GALNT13: variants seen among roughly 807,000 people sequenced by gnomAD.
The protein encoded by GALNT13 is polypeptide N-acetylgalactosaminyltransferase 13.
Under a neutral mutation model 64.2 loss-of-function variants are expected in GALNT13, and 28 were observed. The observed-to-expected ratio is 0.44, with a 90% CI of 0.32 to 0.60. The LOEUF (loss-of-function observed/expected upper bound fraction) is 0.60, where lower values mean the gene tolerates loss of function less well. Among genes scored for constraint, GALNT13 ranks in the 20% least tolerant of loss-of-function variants. The pLI, the probability that GALNT13 is intolerant of heterozygous loss-of-function variation, is 0.05. For synonymous variants in GALNT13, 214 were observed against 224.6 expected (o/e 0.95, Z 0.42); for missense variants, 577 against 669.8 (o/e 0.86, Z 1.53).
the GALNT13 span, among the ~76,000 whole-genome samples, chr2:153,108,069 G>C: frequency 6.6e-6 from 1 of 152,142 alleles, no homozygotes; most frequent in South Asian, 2.1e-4. Context: ...GTAGAGACAG[G>C]GTTTTGCCAT....
chr2:153,491,173 C>A, the GALNT13 span, among the ~76,000 whole-genome samples: 1 of 151,934 alleles, frequency 6.6e-6, no homozygotes, highest in South Asian at 2.1e-4. Flanking sequence ...CATTCAAACA[C>A]AACAATAATT....
At chr2:153,575,151 T>G in the GALNT13 span, among the ~76,000 whole-genome samples, 1 of 152,182 alleles carries the variant, frequency 6.6e-6, no homozygotes, top group Non-Finnish European at 1.5e-5. Flanking sequence ...TGACAGGATC[T>G]GGGAGAAGTC....
intron 3 of GALNT13, among the ~76,000 whole-genome samples, chr2:154,004,787 A>G (rs1039881866): frequency 1.3e-5 from 2 of 152,196 alleles, no homozygotes; most frequent in Non-Finnish European, 2.9e-5. Context: ...TTATGTTTCA[A>G]ATATATGTTA....
intron 11 of GALNT13, chr2:154,436,206 T>A (rs1042562629): frequency 3.0e-4 from 45 of 152,148 alleles, no homozygotes; most frequent in African/African-American, 1.1e-3. Context: ...CCAAAAAAAA[T>A]TTAGCAGACA....
At chr2:154,237,245 C>T (rs1028900901) in intron 4 of GALNT13, among the ~76,000 whole-genome samples, 4 of 151,706 alleles carry the variant, frequency 2.6e-5, no homozygotes, top group Admixed American at 6.6e-5. Flanking sequence ...GTCTACCATA[C>T]ATTTCAGATG....
intron 9 of GALNT13, among the ~76,000 whole-genome samples, chr2:154,390,060 G>A (rs898074357): frequency 1.3e-5 from 2 of 152,036 alleles, no homozygotes; most frequent in African/African-American, 2.4e-5. Context: ...AGACTGAGAG[G>A]GTGAATTTCT....
the GALNT13 span, among the ~76,000 whole-genome samples, chr2:153,825,684 G>T: frequency 6.7e-6 from 1 of 150,118 alleles, no homozygotes; most frequent in African/African-American, 2.5e-5. Context: ...CCTGAGTTTT[G>T]GGCAGGCCAG....
At chr2:153,827,390 G>A in the GALNT13 span, among the ~76,000 whole-genome samples, 3 of 152,228 alleles carry the variant, frequency 2.0e-5, no homozygotes, top group South Asian at 4.1e-4. Flanking sequence ...TCGGGAGGCC[G>A]AGGTGGGTGG....
At chr2:154,352,435 T>A (rs1298837527) in intron 9 of GALNT13, among the ~76,000 whole-genome samples, 3 of 152,216 alleles carry the variant, frequency 2.0e-5, no homozygotes, top group African/African-American at 4.8e-5. Context: ...ATTGAATGCT[T>A]GCTAATATTG....
chr2:154,385,028 T>C (rs1237522875), intron 9 of GALNT13, among the ~76,000 whole-genome samples: 1 of 134,738 alleles, frequency 7.4e-6, no homozygotes, highest in African/African-American at 2.9e-5. Context: ...ACGACTACAA[T>C]AAAGTTGCTT....
chr2:153,607,659 G>T, the GALNT13 span, among the ~76,000 whole-genome samples: 7 of 152,072 alleles, frequency 4.6e-5, no homozygotes, highest in African/African-American at 1.7e-4. Context: ...GTACAAAATT[G>T]AAGACAGAGG....
chr2:153,460,723 CA>C, the GALNT13 span, among the ~76,000 whole-genome samples: 3 of 151,972 alleles, frequency 2.0e-5, no homozygotes, highest in African/African-American at 7.2e-5. Context: ...CAAAAATAAA[CA>C]ACAGTGCAGC....
chr2:154,162,492 G>A (rs1478743309), intron 4 of GALNT13, among the ~76,000 whole-genome samples: 1 of 152,162 alleles, frequency 6.6e-6, no homozygotes, highest in Non-Finnish European at 1.5e-5. Context: ...AGATACACAT[G>A]TTTCAGTCAT....
chr2:154,374,103 A>G (rs1002429205), intron 9 of GALNT13, among the ~76,000 whole-genome samples: 9 of 151,740 alleles, frequency 5.9e-5, no homozygotes, highest in African/African-American at 2.2e-4. Context: ...TTCCTTCTTC[A>G]CTCTTGTGCA....
chr2:153,905,815 T>G (rs947244993), intron 2 of GALNT13, among the ~76,000 whole-genome samples: 7 of 151,976 alleles, frequency 4.6e-5, no homozygotes, highest in Non-Finnish European at 1.0e-4. Context: ...ACATCACCAG[T>G]CTTGTAATTT....
At chr2:154,435,982 C>T (rs1053526427) in intron 11 of GALNT13, 2 of 152,044 alleles carry the variant, frequency 1.3e-5, no homozygotes, top group East Asian at 3.9e-4. Context: ...TATGTATATA[C>T]TGACATGCAC....
chr2:153,297,218 A>T, the GALNT13 span, among the ~76,000 whole-genome samples: 1 of 152,190 alleles, frequency 6.6e-6, no homozygotes, highest in Admixed American at 6.5e-5. Context: ...AGGATCTTTG[A>T]AGGCAGCTGC....
At chr2:153,750,435 G>A in the GALNT13 span, among the ~76,000 whole-genome samples, 8 of 151,768 alleles carry the variant, frequency 5.3e-5, no homozygotes. Context: ...ATAGAATTCA[G>A]CATTGAAACT....
At chr2:153,483,577 C>T in the GALNT13 span, among the ~76,000 whole-genome samples, 1 of 151,872 alleles carries the variant, frequency 6.6e-6, no homozygotes. Context: ...GCACCATGCC[C>T]AGCTAATTTT....
Sources: gnomAD v4.1 joint callset for allele counts (sites outside exome capture counted in the v4.1 genomes callset) on GRCh38, gnomAD v4.1.1 for gene constraint, MANE v1.5 for transcripts, NCBI Gene and HGNC (gene_info 2026-07-23, HGNC 2026-07-21) for gene names.